PTPN14: variants seen among roughly 807,000 people sequenced by gnomAD.
PTPN14 encodes the protein tyrosine-protein phosphatase non-receptor type 14.
In PTPN14, 53 loss-of-function variants were observed where a neutral mutation model predicts 126.8. That is an observed-to-expected ratio of 0.42 (90% CI 0.34 to 0.53). The LOEUF is 0.53. Ranked by LOEUF, PTPN14 falls within the 20% of genes least tolerant of loss-of-function variation. The pLI is 0.08. For synonymous variants in PTPN14, 630 were observed against 599.3 expected (o/e 1.05, Z -0.75); for missense variants, 1,257 against 1,552.9 (o/e 0.81, Z 3.20).
At position 214,451,804 on chromosome 1, in the gene PTPN14, C is replaced by T. The variant is rs1316554060; in HGVS notation, c.344+1G>A. On this transcript the variant is annotated splice_donor_variant, in intron 3 of 18. Transcript: ENST00000366956. LOFTEE classifies it high-confidence loss of function. ...GGCACACAGGGGGAAAATGCACCTACCTTGTGGCCTCTTGCTGAAGCCATG... is the reference window on the plus strand; with the variant it reads ...GGCACACAGGGGGAAAATGCACCTATCTTGTGGCCTCTTGCTGAAGCCATG... 1.2e-6 allele frequency: 2 copies of T among 1,613,702 alleles called. No individual in the cohort carries two copies. The highest frequency in any genetic ancestry group is 1.3e-5 in the African/African-American group (1 of 74,900).
chr1:214,438,912 T>C (rs1484086574), intron 3 of PTPN14, among the ~76,000 whole-genome samples: 3 of 152,224 alleles, frequency 2.0e-5, no homozygotes, highest in Non-Finnish European at 4.4e-5. Context: ...TCTGAACTCA[T>C]CCTTACAATA....
chr1:214,376,066 G>A (rs1658335873), intron 15 of PTPN14, among the ~76,000 whole-genome samples, 153 bp downstream of exon 15: 1 of 152,112 alleles, frequency 6.6e-6, no homozygotes, highest in South Asian at 2.1e-4. Flanking sequence ...CCTTCCACTT[G>A]ACTAAGAAAA....
At chr1:214,491,662 C>T (rs1437717490) in intron 1 of PTPN14, among the ~76,000 whole-genome samples, 1 of 152,154 alleles carries the variant, frequency 6.6e-6, no homozygotes, top group Non-Finnish European at 1.5e-5. Flanking sequence ...AGGCCAGGGA[C>T]TGGTACTGGT....
chr1:214,542,543 G>A (rs1293156949), intron 1 of PTPN14, among the ~76,000 whole-genome samples: 1 of 152,184 alleles, frequency 6.6e-6, no homozygotes, highest in Non-Finnish European at 1.5e-5. Flanking sequence ...AGGGGGTGAG[G>A]TAGGTTAACC....
chr1:214,459,962 T>C (rs74980498), intron 2 of PTPN14, among the ~76,000 whole-genome samples: 3,994 of 152,326 alleles, frequency 0.026, 175 homozygotes, highest in African/African-American at 0.09. Flanking sequence ...ACCGTTTTCT[T>C]TCTTTTACTA....
At chr1:214,441,845 T>A (rs1660042620) in intron 3 of PTPN14, among the ~76,000 whole-genome samples, 1 of 152,232 alleles carries the variant, frequency 6.6e-6, no homozygotes, top group African/African-American at 2.4e-5. Context: ...AAGTAGACTA[T>A]TTTAACATTT....
intron 1 of PTPN14, chr1:214,532,060 TGTATCAA>T (rs1160122571): frequency 6.1e-6 from 1 of 163,650 alleles, no homozygotes; most frequent in Non-Finnish European, 1.3e-5. Context: ...TATAAAACCT[TGTATCAA>T]GTATGTTTTG....
intron 1 of PTPN14, among the ~76,000 whole-genome samples, chr1:214,495,861 A>G (rs930352744): frequency 1.3e-5 from 2 of 151,804 alleles, no homozygotes; most frequent in African/African-American, 4.8e-5. Context: ...TGCCCAGCTA[A>G]TTTTGTATTT....
intron 1 of PTPN14, among the ~76,000 whole-genome samples, chr1:214,487,706 T>G (rs539475298): frequency 6.6e-6 from 1 of 152,078 alleles, no homozygotes; most frequent in Non-Finnish European, 1.5e-5. Flanking sequence ...ATATATACTT[T>G]GCAATTAGTC....
chr1:214,456,936 C>T (rs564889384), intron 2 of PTPN14, among the ~76,000 whole-genome samples: 1 of 152,298 alleles, frequency 6.6e-6, no homozygotes, highest in South Asian at 2.1e-4. Flanking sequence ...TGCAAATACA[C>T]ATATATACTG....
At chr1:214,479,485 G>A (rs368382739) in intron 1 of PTPN14, among the ~76,000 whole-genome samples, 8 of 151,776 alleles carry the variant, frequency 5.3e-5, no homozygotes, top group East Asian at 3.9e-4. Flanking sequence ...GATTACAGGC[G>A]CCCACCACCA....
intron 1 of PTPN14, among the ~76,000 whole-genome samples, chr1:214,524,134 G>C (rs1168837057): frequency 6.6e-6 from 1 of 151,998 alleles, no homozygotes; most frequent in East Asian, 1.9e-4. Context: ...ACAGGCATGA[G>C]CCACCACGTC....
chr1:214,374,718 G>A (rs566193576), intron 15 of PTPN14, among the ~76,000 whole-genome samples: 16 of 152,300 alleles, frequency 1.1e-4, no homozygotes, highest in Non-Finnish European at 2.2e-4. Flanking sequence ...TGTCTAACCC[G>A]GATCCACAGG....
chr1:214,358,185 G>T, intron 18 of PTPN14, 135 bp from the exon 19 acceptor site: 1 of 1,089,004 alleles, frequency 9.2e-7, no homozygotes, highest in Non-Finnish European at 1.3e-6. Flanking sequence ...CTCTGCCCTG[G>T]CTGGGTTTTA....
At chr1:214,509,322 C>T (rs926427339) in intron 1 of PTPN14, among the ~76,000 whole-genome samples, 2 of 152,246 alleles carry the variant, frequency 1.3e-5, no homozygotes, top group East Asian at 3.8e-4. Flanking sequence ...TAAACTTGCA[C>T]TTTCATGTTA....
intron 1 of PTPN14, among the ~76,000 whole-genome samples, chr1:214,506,746 A>T (rs1279116699): frequency 2.0e-5 from 3 of 152,118 alleles, no homozygotes; most frequent in Non-Finnish European, 4.4e-5. Context: ...TGCACCCAGC[A>T]CAAAACAGCC....
chr1:214,516,078 C>T (rs1328617302), intron 1 of PTPN14, among the ~76,000 whole-genome samples: 1 of 152,198 alleles, frequency 6.6e-6, no homozygotes, highest in Non-Finnish European at 1.5e-5. Flanking sequence ...AGGAAGTACA[C>T]CTCCACCTCA....
chr1:214,377,603 C>A (rs1031746595), intron 14 of PTPN14, among the ~76,000 whole-genome samples: 8 of 152,108 alleles, frequency 5.3e-5, no homozygotes, highest in African/African-American at 1.9e-4. Context: ...CAATTGCTCA[C>A]AAAAATCACA....
At chr1:214,503,098 C>T (rs1473581585) in intron 1 of PTPN14, among the ~76,000 whole-genome samples, 2 of 152,136 alleles carry the variant, frequency 1.3e-5, no homozygotes, top group Non-Finnish European at 2.9e-5. Flanking sequence ...GAAAATTATA[C>T]TAGCATACAC....
Sources: allele counts gnomAD v4.1 joint callset (sites outside exome capture counted in the v4.1 genomes callset), GRCh38; gene constraint gnomAD v4.1.1; transcripts MANE v1.5; gene names NCBI Gene and HGNC (gene_info 2026-07-23, HGNC 2026-07-21).